The following WDFY1 variants were observed in gnomAD, a reference collection of about 807,000 sequenced individuals.
WDFY1 encodes WD repeat and FYVE domain containing 1, also known as WD repeat and FYVE domain-containing protein 1.
In WDFY1, 32 loss-of-function variants were observed where a neutral mutation model predicts 56.4. That is an observed-to-expected ratio of 0.57 (90% CI 0.43 to 0.76). The LOEUF is 0.76. Among genes scored for constraint, WDFY1 ranks in the 30% least tolerant of loss-of-function variants. The pLI is 0.00. For missense variants in WDFY1, 480 were observed against 545.7 expected, an observed-to-expected ratio of 0.88 and a Z score of 1.20; for synonymous variants, 192 against 197.3, an observed-to-expected ratio of 0.97 and a Z score of 0.23.
At chr2:223,891,634 G>A (rs2106075976) in intron 8 of WDFY1, among the ~76,000 whole-genome samples, 1 of 152,222 alleles carries the variant, frequency 6.6e-6, no homozygotes, top group Non-Finnish European at 1.5e-5. Flanking sequence ...ACACTCCACA[G>A]TGATGCACTT....
chr2:223,905,393 C>T (rs1372137558), intron 4 of WDFY1, among the ~76,000 whole-genome samples: 1 of 152,096 alleles, frequency 6.6e-6, no homozygotes, highest in Admixed American at 6.6e-5. Context: ...TGGTGGTTCA[C>T]ACCTGAATTC....
At chr2:223,944,408 G>A (rs1689367256) in intron 1 of WDFY1, among the ~76,000 whole-genome samples, 2 of 152,288 alleles carry the variant, frequency 1.3e-5, no homozygotes, top group South Asian at 2.1e-4. Flanking sequence ...GACACCGCAG[G>A]TCGGGGTTCC....
chr2:223,907,873 C>T (rs1693625366), intron 3 of WDFY1, among the ~76,000 whole-genome samples: 12 of 148,704 alleles, frequency 8.1e-5, no homozygotes, highest in South Asian at 2.1e-4. Context: ...TTTTCTCTTT[C>T]TTTTGAGACA....
intron 10 of WDFY1, 36 bp from the exon 11 acceptor site, chr2:223,880,268 G>C: frequency 1.3e-6 from 2 of 1,592,822 alleles, no homozygotes; most frequent in African/African-American, 1.3e-5. Flanking sequence ...AAATTTACTT[G>C]ACTGTACCTA....
chr2:223,920,621 C>T (rs1346383598), intron 1 of WDFY1, among the ~76,000 whole-genome samples: 22 of 152,220 alleles, frequency 1.4e-4, no homozygotes, highest in Admixed American at 1.1e-3. Context: ...TGTGTGAACA[C>T]GCCGGCTGTG....
At chr2:223,940,006 A>G (rs999821083) in intron 1 of WDFY1, among the ~76,000 whole-genome samples, 17 of 152,226 alleles carry the variant, frequency 1.1e-4, no homozygotes, top group African/African-American at 3.9e-4. Context: ...CGTTTGTAAA[A>G]TGAATTCACT....
intron 3 of WDFY1, among the ~76,000 whole-genome samples, chr2:223,911,028 T>C (rs955990112): frequency 1.3e-5 from 2 of 152,220 alleles, no homozygotes; most frequent in Non-Finnish European, 2.9e-5. Context: ...GTCTATCAAC[T>C]AATAAACGGA....
chr2:223,918,225 T>C (rs1053472228), intron 1 of WDFY1, among the ~76,000 whole-genome samples: 1 of 152,002 alleles, frequency 6.6e-6, no homozygotes, highest in Non-Finnish European at 1.5e-5. Context: ...TAGCATATTG[T>C]ATATGCACAC....
intron 11 of WDFY1, 118 bp from the exon 12 acceptor site, chr2:223,878,848 T>C (rs930660037): frequency 7.9e-7 from 1 of 1,273,340 alleles, no homozygotes; most frequent in Admixed American, 2.3e-5. Context: ...TAATGAATTT[T>C]CTCATTCTCC....
chr2:223,940,692 G>C (rs1689286826), intron 1 of WDFY1, among the ~76,000 whole-genome samples: 1 of 151,556 alleles, frequency 6.6e-6, no homozygotes. Flanking sequence ...GCCCAGGCTG[G>C]AGTGCAGTGG....
At chr2:223,879,731 A>G (rs951279882) in intron 11 of WDFY1, among the ~76,000 whole-genome samples, 5 of 152,164 alleles carry the variant, frequency 3.3e-5, no homozygotes, top group Non-Finnish European at 5.9e-5. Context: ...CAGGGATTTA[A>G]TTGTTAAAAT....
intron 4 of WDFY1, among the ~76,000 whole-genome samples, chr2:223,902,609 G>T (rs958549162): frequency 6.6e-6 from 1 of 152,092 alleles, no homozygotes; most frequent in Non-Finnish European, 1.5e-5. Flanking sequence ...TGTTAAATTT[G>T]AGTAGGCCAT....
In WDFY1 at chr2:223,901,187, G is replaced by A; in HGVS notation, c.481C>T (p.Leu161=). 2.5e-6 allele frequency: 4 copies of A among 1,613,534 alleles called. No individual in the cohort carries two copies. The highest frequency in any genetic ancestry group is 3.4e-6 in the Non-Finnish European group (4 of 1,179,706). Residue 161 remains leucine, a synonymous_variant, in exon 5 of 12, where the codon CTG becomes TTG. Coordinates refer to ENST00000233055, the MANE Select transcript of WDFY1 (RefSeq NM_020830.5). ...GTCCGTGGCTCTGAAGGATACTGCA[G>A]ACACGAAGCCCAGGACGTGAAGAAG... The part of the protein sequence containing the change: ...RHFFTSWASC[L]QYDFDTQYAF...
chr2:223,937,683 A>C (rs1280053152), intron 1 of WDFY1, among the ~76,000 whole-genome samples: 2 of 152,346 alleles, frequency 1.3e-5, no homozygotes, highest in East Asian at 3.9e-4. Flanking sequence ...TATAAAAAGA[A>C]AATGATTGTA....
chr2:223,898,039 A>G (rs1247417461), intron 6 of WDFY1, among the ~76,000 whole-genome samples: 2 of 152,262 alleles, frequency 1.3e-5, no homozygotes, highest in South Asian at 2.1e-4. Flanking sequence ...TCTTTACTGC[A>G]ATGCAAGAAT....
At chr2:223,898,307 A>T (rs944435781) in intron 6 of WDFY1, among the ~76,000 whole-genome samples, 1 of 152,180 alleles carries the variant, frequency 6.6e-6, no homozygotes, top group Non-Finnish European at 1.5e-5. Flanking sequence ...AAACTGACAA[A>T]TTTTTTTAAA....
At chr2:223,885,114 G>A (rs58199615) in intron 8 of WDFY1, among the ~76,000 whole-genome samples, 3,965 of 151,928 alleles carry the variant, frequency 0.026, 156 homozygotes, top group African/African-American at 0.089. Flanking sequence ...AACCATGCCC[G>A]GCCAGTTAGC....
At position 223,880,167 on chromosome 2, in the gene WDFY1, G is replaced by C; in HGVS notation, c.1130C>G (p.Ala377Gly). The change falls in exon 11 of 12, where the codon GCC becomes GGC. Residue 377 changes from alanine (A) to glycine (G), a missense_variant. Ala to Gly is a moderately conservative substitution (Grantham distance 60). Coordinates refer to ENST00000233055, the MANE Select transcript of WDFY1 (RefSeq NM_020830.5). ...CCCACAGGTCACCATCAGTCCCCTG[G>C]CAATGTCCATGGACATGTGGGAAAT... ...HNISHMSMDI[A>G]RGLMVTCGTD... The C allele has an allele frequency of 6.2e-7, 1 of 1,614,118 alleles. No individual in the cohort carries two copies.
intron 3 of WDFY1, among the ~76,000 whole-genome samples, chr2:223,906,588 C>T (rs192403989): frequency 2.0e-5 from 3 of 152,052 alleles, no homozygotes; most frequent in Admixed American, 6.6e-5. Flanking sequence ...GTTGCTTCCT[C>T]GGCTCACTGC....
Sources: allele counts gnomAD v4.1 joint callset (sites outside exome capture counted in the v4.1 genomes callset), GRCh38; gene constraint gnomAD v4.1.1; transcripts MANE v1.5; gene names NCBI Gene and HGNC (gene_info 2026-07-23, HGNC 2026-07-21).